The following DRAM1 variants were observed in gnomAD, a reference collection of about 807,000 sequenced individuals.
DRAM1 encodes the protein DNA damage-regulated autophagy modulator protein 1.
A neutral mutation model predicts 28.5 loss-of-function variants in DRAM1; 25 were observed. That is an observed-to-expected ratio of 0.88 (90% CI 0.64 to 1.23). The LOEUF is 1.23. DRAM1 is among the 50% of genes most tolerant of loss of function. The probability of loss-of-function intolerance (pLI) is 0.00; values close to 1 mark genes in which losing one functional copy is unlikely to be tolerated. For synonymous variants in DRAM1, 113 were observed against 114.2 expected (o/e 0.99, Z 0.07); for missense variants, 249 against 299.2 (o/e 0.83, Z 1.24).
chr12:101,920,280 TTTAAAAAGAGCA>T, intron 6 of DRAM1, 79 bp downstream of exon 6: 1 of 970,988 alleles, frequency 1.0e-6, no homozygotes, highest in South Asian at 1.7e-5. Context: ...ATTTTGCATT[TTTAAAAAGAGCA>T]CTTTCTTTTT....
chr12:101,891,759 G>A (rs1314893290), intron 1 of DRAM1, among the ~76,000 whole-genome samples: 1 of 152,218 alleles, frequency 6.6e-6, no homozygotes, highest in African/African-American at 2.4e-5. Context: ...TAGCAAGGAG[G>A]CAAATCAGGT....
At chr12:101,901,078 G>GGTGT (rs67125604) in intron 2 of DRAM1, among the ~76,000 whole-genome samples, 70 of 143,050 alleles carry the variant, frequency 4.9e-4, no homozygotes, top group Middle Eastern at 3.5e-3. Context: ...ACAGCCAAGG[G>GGTGT]GTGTGTGTGT....
chr12:101,904,692 C>CG (rs1268914366), intron 3 of DRAM1, among the ~76,000 whole-genome samples: 7 of 151,822 alleles, frequency 4.6e-5, no homozygotes, highest in African/African-American at 1.7e-4. Context: ...CCACCTGCCT[C>CG]GGCCTCCCAA....
chr12:101,892,476 G>T (rs183029891), intron 1 of DRAM1, among the ~76,000 whole-genome samples: 1 of 150,664 alleles, frequency 6.6e-6, no homozygotes, highest in East Asian at 1.9e-4. Context: ...CTGGTCTCGA[G>T]CCCCTAACCT....
At chr12:101,893,267 TC>T (rs1386671686) in intron 1 of DRAM1, among the ~76,000 whole-genome samples, 1 of 152,238 alleles carries the variant, frequency 6.6e-6, no homozygotes, top group African/African-American at 2.4e-5. Flanking sequence ...GTGCCTCTCT[TC>T]CAACTCCACG....
At chr12:101,887,170 A>G (rs2121027420) in intron 1 of DRAM1, among the ~76,000 whole-genome samples, 1 of 150,394 alleles carries the variant, frequency 6.6e-6, no homozygotes, top group Non-Finnish European at 1.5e-5. Flanking sequence ...AATTGGTTAA[A>G]TGCTTTGGAA....
At chr12:101,888,919 C>T (rs984853443) in intron 1 of DRAM1, among the ~76,000 whole-genome samples, 7 of 151,058 alleles carry the variant, frequency 4.6e-5, no homozygotes, top group Non-Finnish European at 1.0e-4. Flanking sequence ...ATCCTCCTAC[C>T]TCAGCCTCCC....
chr12:101,901,271 A>G lies in DRAM1; in HGVS notation c.200-20A>G. 1 of 1,603,948 alleles carries G rather than the reference A, an allele frequency of 6.2e-7. No homozygotes were observed. Among genetic ancestry groups the G allele is most frequent in the Non-Finnish European group, 8.5e-7 (1 of 1,175,870 alleles). ...AGACATCAAATTATGAACATTCATCAAAGTTCTCTTCTTTTTCAGGTGCAG... is the reference window on the plus strand; with the variant it reads ...AGACATCAAATTATGAACATTCATCGAAGTTCTCTTCTTTTTCAGGTGCAG... On this transcript the variant is annotated intron_variant, in intron 2 of 6. Coordinates refer to ENST00000258534, the MANE Select transcript of DRAM1 (RefSeq NM_018370.3).
At chr12:101,912,731 A>ATTTTTTTT (rs10530801) in intron 4 of DRAM1, among the ~76,000 whole-genome samples, 1 of 128,640 alleles carries the variant, frequency 7.8e-6, no homozygotes, top group Non-Finnish European at 1.6e-5. Context: ...TTGGCTCAAC[A>ATTTTTTTT]TTTTTTTTTT....
Position 101,877,799 on chromosome 12 carries a change from T to C in DRAM1, c.10T>C (p.Phe4Leu). 6.5e-7 allele frequency: 1 copy of C among 1,532,716 alleles called. No individual in the cohort carries two copies. The highest frequency in any genetic ancestry group is 8.8e-7 in the Non-Finnish European group (1 of 1,137,958). 94.9% of individuals were successfully genotyped at this position (1,532,716 alleles called of 1,614,324 possible). MLC[F>L]LRGMAFVPFL... is the part of the protein sequence containing the mutation. ...CGGCGGCGGCGGCGCGATGCTGTGC[T>C]TCCTGAGGGGAATGGCTTTCGTCCC... Residue 4 changes from phenylalanine to leucine, a missense_variant, in exon 1 of 7, where the codon TTC (phenylalanine) becomes CTC (leucine). Around this residue, in one of 3 missense-constraint regions of DRAM1, gnomAD observed 218 missense variants for 243.1 expected, o/e 0.90. Coordinates refer to ENST00000258534, the MANE Select transcript of DRAM1 (RefSeq NM_018370.3). The surrounding 1 kb of genome is among the most constrained non-coding windows in gnomAD (Gnocchi z 4.1).
At chr12:101,901,492 G>A in intron 3 of DRAM1, 59 bp downstream of exon 3, 1 of 1,570,950 alleles carries the variant, frequency 6.4e-7, no homozygotes, top group Non-Finnish European at 8.6e-7. Flanking sequence ...TCTGAAGAGA[G>A]CAGCAGAAAT....
At chr12:101,882,715 G>C (rs78781403) in intron 1 of DRAM1, among the ~76,000 whole-genome samples, 10,198 of 150,978 alleles carry the variant, frequency 0.068, 943 homozygotes, top group African/African-American at 0.19. Flanking sequence ...TGGGGAAACA[G>C]TCTCTCTCAT....
chr12:101,906,063 C>T (rs533745294), intron 3 of DRAM1, among the ~76,000 whole-genome samples: 3 of 152,238 alleles, frequency 2.0e-5, no homozygotes, highest in Admixed American at 2.0e-4. Context: ...GCTGGGATTA[C>T]AGGCGTGAGC....
At chr12:101,895,186 G>GTTTTTTTTTTTTTTTTTTTTTTTTTTT (rs574722379) in intron 1 of DRAM1, among the ~76,000 whole-genome samples, 5 of 75,734 alleles carry the variant, frequency 6.6e-5, no homozygotes, top group East Asian at 1.3e-3. Flanking sequence ...AACCCTTCAG[G>GTTTTTTTTTTTTTTTTTTTTTTTTTTT]TTTTTTTTTT....
At position 101,878,025 on chromosome 12, in the gene DRAM1, G is replaced by A; in HGVS notation, c.131+105G>A. The A allele has an allele frequency of 2.2e-6, 3 of 1,345,052 alleles. No individual in the cohort carries two copies. In the South Asian group the frequency reaches 5.1e-5, roughly 23 times the overall value. The allele number at this position is 1,345,052 out of a possible 1,614,324, so 83.3% of individuals were successfully genotyped here. A position where few individuals can be genotyped will look rare whatever the true frequency, so the allele number is the denominator to read the frequency against. On this transcript the variant is annotated intron_variant, in intron 1 of 6. Transcript: ENST00000258534. ...GTCCGGACCCAGCTTGGGGCGTCGT[G>A]TGGTCAGGCAGAGGTGGGAGCAGGA...
chr12:101,907,400 A>G (rs748354817), intron 3 of DRAM1, among the ~76,000 whole-genome samples: 1 of 151,478 alleles, frequency 6.6e-6, no homozygotes, highest in African/African-American at 2.4e-5. Context: ...TTTTTCAATC[A>G]TATCATACCG....
In DRAM1 at chr12:101,921,231, A is replaced by T; in HGVS notation, c.688A>T (p.Ile230Leu). 6.2e-7 allele frequency: 1 copy of T among 1,605,896 alleles called. No homozygotes were observed. Among genetic ancestry groups the T allele is most frequent in the Non-Finnish European group, 8.5e-7 (1 of 1,172,532 alleles). The change falls in exon 7 of 7, where the codon ATA (isoleucine) becomes TTA (leucine). Residue 230 changes from isoleucine to leucine, a missense_variant. By Grantham distance (5) the Ile-to-Leu change is conservative. Transcript: ENST00000258534. ...IQDFQSVTLR[I>L]STEINGDI Reference sequence around the variant, plus strand: ...TTAAAAATAGAGTGTCACCCTAAGGATATCCACAGAAATCAATGGTGATAT... The same window carrying T: ...TTAAAAATAGAGTGTCACCCTAAGGTTATCCACAGAAATCAATGGTGATAT...
At chr12:101,882,056 G>A (rs1473419234) in intron 1 of DRAM1, among the ~76,000 whole-genome samples, 1 of 151,448 alleles carries the variant, frequency 6.6e-6, no homozygotes, top group Non-Finnish European at 1.5e-5. Flanking sequence ...AAAGTCCTTA[G>A]GATGAGTTTC....
intron 1 of DRAM1, among the ~76,000 whole-genome samples, chr12:101,890,594 A>G (rs7315839): frequency 0.64 from 96,750 of 150,806 alleles, 32,393 homozygotes; most frequent in East Asian, 0.91. Flanking sequence ...CTTTAAAAAC[A>G]TGTTGTATGT....
Sources: allele counts gnomAD v4.1 joint callset (sites outside exome capture counted in the v4.1 genomes callset), GRCh38; gene constraint gnomAD v4.1.1; regional missense constraint gnomAD v4.1.1; non-coding constraint Gnocchi (gnomAD v3.1); transcripts MANE v1.5; gene names NCBI Gene and HGNC (gene_info 2026-07-23, HGNC 2026-07-21).